Variants in SLC35F3 observed in about 807,000 individuals in gnomAD.
SLC35F3 encodes solute carrier family 35 member F3.
SLC35F3 carries 25 observed loss-of-function variants against 49.9 expected under a neutral mutation model. That is an observed-to-expected ratio of 0.50 (90% CI 0.37 to 0.70). SLC35F3 has a LOEUF of 0.70. Among genes scored for constraint, SLC35F3 ranks in the 30% least tolerant of loss-of-function variants. The probability of loss-of-function intolerance (pLI) is 0.00; values close to 1 mark genes in which losing one functional copy is unlikely to be tolerated. For missense variants in SLC35F3, 525 were observed against 639.8 expected, an observed-to-expected ratio of 0.82 and a Z score of 1.94; for synonymous variants, 275 against 265.4, an observed-to-expected ratio of 1.04 and a Z score of -0.35.
In SLC35F3 at chr1:233,904,938, G is replaced by A. The variant is rs1181164994; in HGVS notation, c.-140G>A. 4 of 914,990 alleles carry A rather than the reference G, an allele frequency of 4.4e-6. No individual in the cohort carries two copies. In the Admixed American group the frequency reaches 1.0e-4, roughly 23 times the overall value. The allele number at this position is 914,990 out of a possible 1,614,324, so 56.7% of individuals were successfully genotyped here. On this transcript the variant is annotated 5_prime_UTR_variant, in exon 1 of 8. Coordinates refer to ENST00000366618, the MANE Select transcript of SLC35F3 (RefSeq NM_173508.4). ...CAGACCGCGCGGGCGCGCACAAAGC[G>A]GCCCGGGGCGGCCGGCGCGGCGCAG...
At chr1:234,306,207 C>G (rs1657169893) in intron 3 of SLC35F3, among the ~76,000 whole-genome samples, 1 of 152,186 alleles carries the variant, frequency 6.6e-6, no homozygotes, top group African/African-American at 2.4e-5. Context: ...GTCACTTAGG[C>G]TGGAGTGCAA....
intron 2 of SLC35F3, among the ~76,000 whole-genome samples, chr1:234,172,183 T>C (rs1666408745): frequency 6.6e-6 from 1 of 152,136 alleles, no homozygotes; most frequent in Non-Finnish European, 1.5e-5. Flanking sequence ...AATCTCAGGG[T>C]GCCTTGCAAT....
intron 2 of SLC35F3, among the ~76,000 whole-genome samples, chr1:234,072,967 G>A (rs1029606333): frequency 9.8e-5 from 15 of 152,318 alleles, no homozygotes; most frequent in African/African-American, 2.6e-4. Flanking sequence ...GAGGACAGGC[G>A]TGGGCACTGG....
At chr1:233,923,622 A>G (rs1345660040) in intron 2 of SLC35F3, among the ~76,000 whole-genome samples, 1 of 152,078 alleles carries the variant, frequency 6.6e-6, no homozygotes, top group Non-Finnish European at 1.5e-5. Context: ...CTCTTTTCCT[A>G]ATTGAATACC....
chr1:233,995,669 G>T (rs900769423), intron 2 of SLC35F3, among the ~76,000 whole-genome samples: 1 of 152,160 alleles, frequency 6.6e-6, no homozygotes, highest in Non-Finnish European at 1.5e-5. Context: ...AGCAGCAGAG[G>T]AGAGGAAGGC....
intron 2 of SLC35F3, among the ~76,000 whole-genome samples, chr1:234,207,646 T>G: frequency 6.6e-6 from 1 of 151,774 alleles, no homozygotes; most frequent in Non-Finnish European, 1.5e-5. Flanking sequence ...TGACATCTCT[T>G]TTATAAACCA....
chr1:234,285,863 A>C (rs924204140), intron 3 of SLC35F3, among the ~76,000 whole-genome samples: 1 of 152,218 alleles, frequency 6.6e-6, no homozygotes, highest in Non-Finnish European at 1.5e-5. Context: ...TAATGGAGAA[A>C]GAAGAGTTGA....
intron 2 of SLC35F3, among the ~76,000 whole-genome samples, chr1:234,162,809 A>G (rs1402247849): frequency 6.6e-6 from 1 of 152,216 alleles, no homozygotes; most frequent in Admixed American, 6.5e-5. Flanking sequence ...CCAGACAGTA[A>G]TGAACCCTGT....
chr1:234,318,747 A>G lies in SLC35F3; in HGVS notation c.955-4A>G, dbSNP rs763529647. 6 of 1,612,978 alleles carry G rather than the reference A, an allele frequency of 3.7e-6. No individual in the cohort carries two copies. In the South Asian group the frequency reaches 6.6e-5, roughly 18 times the overall value. The stretch of plus-strand genomic sequence containing the variant: ...ACCCCGTCCTCCTCTGCTTTCTCCT[A>G]CAGGTTTTGTTCAAGCTCCTCCTGG... On this transcript the variant is annotated splice_polypyrimidine_tract_variant and splice_region_variant and intron_variant, in intron 5 of 7. Transcript: ENST00000366618.
At chr1:233,970,989 GT>G (rs757441272) in intron 2 of SLC35F3, among the ~76,000 whole-genome samples, 3 of 152,212 alleles carry the variant, frequency 2.0e-5, no homozygotes, top group Non-Finnish European at 2.9e-5. Context: ...GAGAAGAATT[GT>G]TTTGTTTTTA....
At chr1:234,249,959 T>A (rs375913320) in intron 3 of SLC35F3, among the ~76,000 whole-genome samples, 4 of 152,322 alleles carry the variant, frequency 2.6e-5, no homozygotes, top group African/African-American at 9.6e-5. Context: ...AAAGTGCTAA[T>A]ATGTACCGGA....
intron 3 of SLC35F3, among the ~76,000 whole-genome samples, chr1:234,235,868 G>T (rs1374114483): frequency 6.6e-6 from 1 of 152,140 alleles, no homozygotes; most frequent in African/African-American, 2.4e-5. Context: ...CCAGACTTAC[G>T]CAGGAACCAT....
intron 2 of SLC35F3, among the ~76,000 whole-genome samples, chr1:233,954,401 C>T (rs1415905694): frequency 2.0e-5 from 3 of 152,198 alleles, no homozygotes; most frequent in Non-Finnish European, 4.4e-5. Context: ...ATGCCCTGCA[C>T]CATGCAGGAG....
chr1:234,026,346 T>C (rs1663978490), intron 2 of SLC35F3, among the ~76,000 whole-genome samples: 1 of 152,234 alleles, frequency 6.6e-6, no homozygotes, highest in African/African-American at 2.4e-5. Flanking sequence ...CAAAGGTTGA[T>C]AAATTACTGG....
intron 2 of SLC35F3, among the ~76,000 whole-genome samples, chr1:234,136,260 G>GTCTTTCTCT (rs1665810047): frequency 6.8e-6 from 1 of 146,080 alleles, no homozygotes; most frequent in African/African-American, 2.5e-5. Context: ...TTCTTTTTCT[G>GTCTTTCTCT]TCTTTCTTTC....
intron 2 of SLC35F3, among the ~76,000 whole-genome samples, chr1:234,032,432 T>C (rs1664078134): frequency 6.6e-6 from 1 of 152,162 alleles, no homozygotes; most frequent in South Asian, 2.1e-4. Flanking sequence ...ACAAGTTCTT[T>C]AGTGGTGATC....
chr1:234,086,566 A>G (rs1459709298), intron 2 of SLC35F3, among the ~76,000 whole-genome samples: 1 of 152,236 alleles, frequency 6.6e-6, no homozygotes, highest in East Asian at 1.9e-4. Context: ...ATTCAATCCT[A>G]CAAAATCCTT....
At chr1:234,288,602 G>A (rs1282208116) in intron 3 of SLC35F3, among the ~76,000 whole-genome samples, 2 of 152,196 alleles carry the variant, frequency 1.3e-5, no homozygotes, top group African/African-American at 4.8e-5. Context: ...TGGCAAGAAA[G>A]AAAAGATAAT....
At chr1:233,936,770 C>T (rs1662341229) in intron 2 of SLC35F3, among the ~76,000 whole-genome samples, 1 of 152,034 alleles carries the variant, frequency 6.6e-6, no homozygotes, top group South Asian at 2.1e-4. Flanking sequence ...TTCACTGCAG[C>T]CTTGACCTCC....
Sources: allele counts gnomAD v4.1 joint callset (sites outside exome capture counted in the v4.1 genomes callset), GRCh38; gene constraint gnomAD v4.1.1; transcripts MANE v1.5; gene names NCBI Gene and HGNC (gene_info 2026-07-23, HGNC 2026-07-21).